The following PTPRD variants were observed in gnomAD, a reference collection of about 807,000 sequenced individuals.
The protein encoded by PTPRD is protein tyrosine phosphatase receptor type D.
PTPRD carries 34 observed loss-of-function variants against 214.5 expected under a neutral mutation model. That is an observed-to-expected ratio of 0.16 (90% confidence interval 0.12 to 0.21). The LOEUF is 0.21. PTPRD is among the 10% of genes least tolerant of loss of function. PTPRD has a pLI of 1.00. For synonymous variants in PTPRD, 1,128 were observed against 845.7 expected (o/e 1.33, Z -5.79); for missense variants, 2,545 against 2,398.7 (o/e 1.06, Z -1.27).
Position 10,154,478 on chromosome 9 carries a change from T to G in PTPRD, c.-544-120688A>C, listed in dbSNP as rs576528319. 6.6e-5 allele frequency among the ~76,000 whole-genome samples: 10 copies of G among 152,296 alleles called. No homozygotes were observed. The East Asian group carries it at 1.9e-3, about 29-fold the overall frequency. On this transcript the variant is annotated intron_variant, in intron 3 of 45. Transcript: ENST00000381196. Reference sequence around the variant, plus strand: ...GTTATTTAGTTTAATTAGCTCTCATTTGTCAATTTTTGCATTGGTTGCAGT... The same window carrying G: ...GTTATTTAGTTTAATTAGCTCTCATGTGTCAATTTTTGCATTGGTTGCAGT...
chr9:9,441,066 T>C (rs2087503445), intron 8 of PTPRD, among the ~76,000 whole-genome samples: 1 of 152,178 alleles, frequency 6.6e-6, no homozygotes, highest in Admixed American at 6.5e-5. Flanking sequence ...GGTCTTTATA[T>C]CATTATCTCA....
At chr9:10,395,188 G>C (rs1385112924) in intron 2 of PTPRD, among the ~76,000 whole-genome samples, 1 of 150,988 alleles carries the variant, frequency 6.6e-6, no homozygotes, top group Non-Finnish European at 1.5e-5. Flanking sequence ...TGCCATGTTG[G>C]TGTGCTGCAC....
At chr9:9,745,643 G>A (rs1261993572) in intron 6 of PTPRD, among the ~76,000 whole-genome samples, 6 of 152,064 alleles carry the variant, frequency 3.9e-5, no homozygotes, top group Non-Finnish European at 7.4e-5. Flanking sequence ...GAACTCAAGA[G>A]CAGAAAGTGC....
chr9:8,837,457 A>G (rs1041729161), intron 11 of PTPRD, among the ~76,000 whole-genome samples: 1 of 152,164 alleles, frequency 6.6e-6, no homozygotes, highest in Non-Finnish European at 1.5e-5. Flanking sequence ...CAAAATAGGC[A>G]TTCTCACATC....
chr9:10,150,568 A>G (rs1454535122), intron 3 of PTPRD, among the ~76,000 whole-genome samples: 1 of 152,084 alleles, frequency 6.6e-6, no homozygotes, highest in East Asian at 1.9e-4. Flanking sequence ...GTAACTGACC[A>G]GTTAATGTGC....
At chr9:8,716,530 C>A (rs1360544379) in intron 12 of PTPRD, among the ~76,000 whole-genome samples, 2 of 149,744 alleles carry the variant, frequency 1.3e-5, no homozygotes, top group African/African-American at 5.1e-5. Flanking sequence ...TTCAGTTCTA[C>A]AAATTTCTAG....
At chr9:9,889,611 C>G (rs866551959) in intron 5 of PTPRD, among the ~76,000 whole-genome samples, 39 of 152,178 alleles carry the variant, frequency 2.6e-4, no homozygotes, top group African/African-American at 9.4e-4. Context: ...CTCTCAGCCC[C>G]AATTCCACAA....
intron 5 of PTPRD, among the ~76,000 whole-genome samples, chr9:9,774,492 C>G (rs1020582759): frequency 3.3e-5 from 5 of 152,172 alleles, no homozygotes; most frequent in African/African-American, 1.2e-4. Context: ...TAAGAAATCA[C>G]TTGTCCTTAC....
intron 3 of PTPRD, among the ~76,000 whole-genome samples, chr9:10,289,572 T>C (rs2095470362): frequency 6.6e-6 from 1 of 152,122 alleles, no homozygotes; most frequent in Non-Finnish European, 1.5e-5. Flanking sequence ...CGCCCCGCCA[T>C]TTGTGCTAAT....
chr9:9,780,210 C>A (rs1377935478), intron 5 of PTPRD, among the ~76,000 whole-genome samples: 1 of 151,990 alleles, frequency 6.6e-6, no homozygotes, highest in Non-Finnish European at 1.5e-5. Context: ...AAACATTGAA[C>A]ACACATCAAC....
chr9:8,577,255 A>G (rs111371441), intron 14 of PTPRD, among the ~76,000 whole-genome samples: 2,386 of 149,946 alleles, frequency 0.016, 77 homozygotes, highest in East Asian at 0.14. Context: ...TTGTTTGTTT[A>G]TTTATTTATT....
At chr9:10,018,681 G>A (rs1265021126) in intron 4 of PTPRD, among the ~76,000 whole-genome samples, 5 of 147,218 alleles carry the variant, frequency 3.4e-5, no homozygotes, top group African/African-American at 9.8e-5. Context: ...CCAAGTAGCT[G>A]GGACTACAGG....
intron 8 of PTPRD, among the ~76,000 whole-genome samples, chr9:9,528,938 C>CT (rs112564567): frequency 0.013 from 1,760 of 136,690 alleles, 22 homozygotes; most frequent in African/African-American, 0.03. Flanking sequence ...TTGTTTGTTT[C>CT]TTTTTTTTTT....
At chr9:10,025,162 G>C (rs889558964) in intron 4 of PTPRD, among the ~76,000 whole-genome samples, 2 of 152,028 alleles carry the variant, frequency 1.3e-5, no homozygotes, top group Non-Finnish European at 2.9e-5. Flanking sequence ...GGGATGGCTA[G>C]GTCAAATGGT....
intron 2 of PTPRD, among the ~76,000 whole-genome samples, chr9:10,559,815 C>T (rs971121396): frequency 9.9e-5 from 15 of 152,122 alleles, no homozygotes; most frequent in African/African-American, 3.6e-4. Flanking sequence ...AAAATGCTCA[C>T]CATCACTGGC....
At chr9:9,540,374 T>C (rs1029092533) in intron 8 of PTPRD, among the ~76,000 whole-genome samples, 5 of 151,794 alleles carry the variant, frequency 3.3e-5, no homozygotes, top group African/African-American at 1.2e-4. Context: ...TGTGTGTGTA[T>C]GCCAGATATA....
intron 12 of PTPRD, among the ~76,000 whole-genome samples, chr9:8,661,766 C>T (rs2097059538): frequency 6.6e-6 from 1 of 152,204 alleles, no homozygotes. Context: ...ACCATTGACA[C>T]TTATTGAGTG....
intron 7 of PTPRD, among the ~76,000 whole-genome samples, chr9:9,640,096 G>T (rs1194009154): frequency 6.6e-6 from 1 of 152,150 alleles, no homozygotes; most frequent in African/African-American, 2.4e-5. Flanking sequence ...GAAACTTTCA[G>T]CCCATGTGGG....
At chr9:10,364,887 C>A (rs2097484322) in intron 2 of PTPRD, among the ~76,000 whole-genome samples, 1 of 152,180 alleles carries the variant, frequency 6.6e-6, no homozygotes, top group Non-Finnish European at 1.5e-5. Context: ...GACATCCCCA[C>A]TTAACGCTGT....
Sources: allele counts gnomAD v4.1 joint callset (sites outside exome capture counted in the v4.1 genomes callset), GRCh38; gene constraint gnomAD v4.1.1; transcripts MANE v1.5; gene names NCBI Gene and HGNC (gene_info 2026-07-23, HGNC 2026-07-21).